The following HHLA2 variants were observed in gnomAD, a reference collection of about 807,000 sequenced individuals.
HHLA2 encodes HERV-H LTR-associating protein 2.
A neutral mutation model predicts 45.9 loss-of-function variants in HHLA2; 48 were observed. The ratio of observed to expected loss-of-function variants is 1.05; its 90% CI spans 0.83 to 1.33. The LOEUF (loss-of-function observed/expected upper bound fraction) is 1.33, where lower values mean the gene tolerates loss of function less well. Ranked by LOEUF, HHLA2 falls within the 40% of genes most tolerant of loss-of-function variation. The pLI is 0.00. For synonymous variants in HHLA2, 161 were observed against 173.9 expected (o/e 0.93, Z 0.59); for missense variants, 462 against 494.3 (o/e 0.93, Z 0.62).
chr3:108,310,012 T>C (rs1003693874), intron 1 of HHLA2, among the ~76,000 whole-genome samples: 6 of 152,190 alleles, frequency 3.9e-5, no homozygotes, highest in African/African-American at 1.4e-4. Context: ...TCTAATATTA[T>C]AATTTATTTT....
chr3:108,329,810 G>A (rs193293761), intron 3 of HHLA2, among the ~76,000 whole-genome samples: 1 of 152,268 alleles, frequency 6.6e-6, no homozygotes, highest in East Asian at 1.9e-4. Context: ...TCAGCCCTGG[G>A]TCAGGTATTT....
intron 2 of HHLA2, among the ~76,000 whole-genome samples, chr3:108,322,185 G>A (rs2081214429): frequency 6.6e-6 from 1 of 152,204 alleles, no homozygotes; most frequent in Non-Finnish European, 1.5e-5. Context: ...GAGGCTCTAA[G>A]AGCTCGGACT....
chr3:108,323,275 T>C (rs1327889960), intron 2 of HHLA2, among the ~76,000 whole-genome samples: 3 of 152,116 alleles, frequency 2.0e-5, no homozygotes, highest in Admixed American at 6.6e-5. Flanking sequence ...AAGAGTATAA[T>C]TGGATTGTTT....
rs568670707 is a variant in HHLA2, at chr3:108,297,933, T to C, written c.-192+1334T>C. ...AACAAGGTGTTTTTCCTCCTGAGGT[T>C]GTCATGTCAACTCTAAATTCCCAGA... On this transcript the variant is annotated intron_variant, in intron 1 of 10. Transcript: ENST00000619531. Among the ~76,000 whole-genome samples the C allele has an allele frequency of 7.9e-5, 12 of 152,312 alleles. No homozygotes were observed. In the South Asian group the frequency reaches 1.9e-3, roughly 24 times the overall value.
intron 3 of HHLA2, among the ~76,000 whole-genome samples, chr3:108,342,292 T>C (rs1371404894): frequency 6.8e-6 from 1 of 146,128 alleles, no homozygotes; most frequent in East Asian, 2.0e-4. Context: ...AGATGGAGTT[T>C]TACTCTCGTC....
At chr3:108,311,341 A>G (rs2081015066) in intron 2 of HHLA2, among the ~76,000 whole-genome samples, 1 of 152,224 alleles carries the variant, frequency 6.6e-6, no homozygotes, top group Non-Finnish European at 1.5e-5. Context: ...ATGCTTACTT[A>G]TGTTATTTAG....
intron 1 of HHLA2, among the ~76,000 whole-genome samples, chr3:108,303,018 T>G (rs1272015347): frequency 1.3e-5 from 2 of 152,208 alleles, no homozygotes; most frequent in Non-Finnish European, 2.9e-5. Flanking sequence ...GTTGCTTGTT[T>G]AGGCAAAAAA....
rs144988729 is a variant in HHLA2 at position 108,305,590 on chromosome 3, G to A, written c.-191-5065G>A. ...AGAGTGCTGAGTCCCATGCCCTGCT[G>A]TATAGAGTTCCATTCCATTCCAGAA... On this transcript the variant is annotated intron_variant, in intron 1 of 10. Transcript: ENST00000619531. Among the ~76,000 whole-genome samples the A allele has an allele frequency of 2.5e-4, 38 of 152,184 alleles. 1 individual carries two copies. In the East Asian group the frequency reaches 7.3e-3, roughly 29 times the overall value.
chr3:108,373,785 C>A (rs1373582107), intron 8 of HHLA2, among the ~76,000 whole-genome samples: 1 of 151,876 alleles, frequency 6.6e-6, no homozygotes, highest in Non-Finnish European at 1.5e-5. Flanking sequence ...TGTGAAGGAC[C>A]TCTTCAAGGA....
intron 8 of HHLA2, among the ~76,000 whole-genome samples, chr3:108,373,524 C>T (rs371624208): frequency 6.6e-6 from 1 of 151,968 alleles, no homozygotes; most frequent in East Asian, 1.9e-4. Context: ...ATTAGGAAAA[C>T]AGGAAGTCAA....
intron 7 of HHLA2, among the ~76,000 whole-genome samples, chr3:108,361,300 A>G (rs1365868832): frequency 6.6e-6 from 1 of 152,188 alleles, no homozygotes; most frequent in African/African-American, 2.4e-5. Flanking sequence ...GAGTAGCATG[A>G]TGAAATTGCA....
At chr3:108,355,585 C>T (rs1225590901) in intron 6 of HHLA2, among the ~76,000 whole-genome samples, 1 of 152,166 alleles carries the variant, frequency 6.6e-6, no homozygotes, top group Non-Finnish European at 1.5e-5. Flanking sequence ...AGCATTAGTA[C>T]CTCATTGATA....
At chr3:108,366,702 T>G (rs2082068467) in intron 8 of HHLA2, among the ~76,000 whole-genome samples, 2 of 152,128 alleles carry the variant, frequency 1.3e-5, no homozygotes, top group East Asian at 3.8e-4. Context: ...GGTTTAGTCT[T>G]AGGAGGGTGT....
intron 8 of HHLA2, among the ~76,000 whole-genome samples, chr3:108,367,670 AG>A (rs1180711988): frequency 6.6e-6 from 1 of 152,100 alleles, no homozygotes; most frequent in Non-Finnish European, 1.5e-5. Context: ...AAGAGTGAAA[AG>A]GAATGAACAA....
intron 1 of HHLA2, among the ~76,000 whole-genome samples, chr3:108,308,133 A>G (rs556557925): frequency 3.3e-5 from 5 of 152,242 alleles, no homozygotes; most frequent in Non-Finnish European, 1.5e-5. Flanking sequence ...TTTTGTACCC[A>G]TTAACCATCC....
chr3:108,328,298 A>T, exon 3 of HHLA2: 4 of 1,528,834 alleles, frequency 2.6e-6, no homozygotes, highest in Non-Finnish European at 3.5e-6. Flanking sequence ...CCCTGCACAG[A>T]TTGTGATGGT....
chr3:108,341,529 T>C (rs754933243), intron 3 of HHLA2, among the ~76,000 whole-genome samples: 3 of 152,216 alleles, frequency 2.0e-5, no homozygotes, highest in Non-Finnish European at 2.9e-5. Context: ...TACATTACTC[T>C]GTTAAAATAT....
At chr3:108,333,975 A>C (rs1293784489) in intron 3 of HHLA2, among the ~76,000 whole-genome samples, 1 of 152,190 alleles carries the variant, frequency 6.6e-6, no homozygotes, top group Non-Finnish European at 1.5e-5. Context: ...CAGGACCCAG[A>C]AGAATCTTTT....
At chr3:108,370,401 ACT>A (rs1409794152) in intron 8 of HHLA2, among the ~76,000 whole-genome samples, 6 of 152,114 alleles carry the variant, frequency 3.9e-5, no homozygotes, top group Admixed American at 3.9e-4. Context: ...AAAACTGGAA[ACT>A]CTAAAAATCA....
Sources: gnomAD v4.1 joint callset for allele counts (sites outside exome capture counted in the v4.1 genomes callset) on GRCh38, gnomAD v4.1.1 for gene constraint, MANE v1.5 for transcripts, NCBI Gene and HGNC (gene_info 2026-07-23, HGNC 2026-07-21) for gene names.